Variants in MYO1D observed in about 807,000 individuals in gnomAD.
MYO1D encodes unconventional myosin-Id.
MYO1D carries 83 observed loss-of-function variants against 122.0 expected under a neutral mutation model. That is an observed-to-expected ratio of 0.68 (90% CI 0.57 to 0.82). The LOEUF is 0.82. Ranked by LOEUF, MYO1D falls within the 40% of genes least tolerant of loss-of-function variation. The pLI is 0.00. For synonymous variants in MYO1D, 464 were observed against 446.9 expected (o/e 1.04, Z -0.48); for missense variants, 1,157 against 1,269.5 (o/e 0.91, Z 1.35).
chr17:32,748,733 G>A (rs1446126306), intron 12 of MYO1D, among the ~76,000 whole-genome samples: 1 of 152,232 alleles, frequency 6.6e-6, no homozygotes, highest in Non-Finnish European at 1.5e-5. Context: ...ACATGGGCAA[G>A]TAGTGTGTGC....
intron 1 of MYO1D, among the ~76,000 whole-genome samples, chr17:32,832,819 G>A (rs11080192): frequency 0.049 from 7,458 of 152,228 alleles, 283 homozygotes; most frequent in East Asian, 0.19. Flanking sequence ...AGAATCTACT[G>A]TTCTTTAAAA....
At chr17:32,553,739 T>C (rs1567887832) in intron 21 of MYO1D, among the ~76,000 whole-genome samples, 1 of 152,138 alleles carries the variant, frequency 6.6e-6, no homozygotes, top group Non-Finnish European at 1.5e-5. Context: ...AATGTTATGT[T>C]CCTGAGAGTT....
intron 20 of MYO1D, among the ~76,000 whole-genome samples, chr17:32,622,075 T>A (rs962110062): frequency 6.6e-6 from 1 of 152,210 alleles, no homozygotes; most frequent in African/African-American, 2.4e-5. Context: ...TAGGTTGCTC[T>A]TTGACTGTGT....
intron 21 of MYO1D, among the ~76,000 whole-genome samples, chr17:32,515,052 C>G (rs981981817): frequency 6.6e-6 from 1 of 152,196 alleles, no homozygotes; most frequent in Non-Finnish European, 1.5e-5. Flanking sequence ...TGCACAGTGG[C>G]TAGTGCCATG....
chr17:32,609,356 C>T (rs1238647060), intron 20 of MYO1D, among the ~76,000 whole-genome samples: 5 of 152,216 alleles, frequency 3.3e-5, no homozygotes, highest in Non-Finnish European at 5.9e-5. Flanking sequence ...GGGGATGGCG[C>T]AGTGCCACAC....
At chr17:32,778,967 A>G (rs1320866069) in intron 2 of MYO1D, among the ~76,000 whole-genome samples, 1 of 152,164 alleles carries the variant, frequency 6.6e-6, no homozygotes, top group Non-Finnish European at 1.5e-5. Flanking sequence ...CTTATTTTCT[A>G]TAAGAGAATT....
intron 1 of MYO1D, among the ~76,000 whole-genome samples, chr17:32,800,474 T>G (rs2090451541): frequency 6.6e-6 from 1 of 152,006 alleles, no homozygotes; most frequent in African/African-American, 2.4e-5. Context: ...ATGACCACAC[T>G]TACATGTGGA....
intron 21 of MYO1D, among the ~76,000 whole-genome samples, chr17:32,549,865 A>G (rs1177236709): frequency 3.3e-5 from 5 of 152,222 alleles, no homozygotes; most frequent in Non-Finnish European, 7.3e-5. Context: ...TTGTATCCTC[A>G]CAGACACACC....
intron 1 of MYO1D, among the ~76,000 whole-genome samples, chr17:32,868,669 A>C (rs1462128169): frequency 6.6e-6 from 1 of 152,138 alleles, no homozygotes; most frequent in African/African-American, 2.4e-5. Context: ...AGAATTATAT[A>C]CCAGGCACTT....
chr17:32,636,167 T>G (rs1366744859), intron 20 of MYO1D, among the ~76,000 whole-genome samples: 1 of 152,178 alleles, frequency 6.6e-6, no homozygotes, highest in African/African-American at 2.4e-5. Context: ...CACTCTTAAA[T>G]CTGAAGTGAT....
intron 15 of MYO1D, among the ~76,000 whole-genome samples, chr17:32,718,430 G>A (rs1384998361): frequency 2.0e-5 from 3 of 152,130 alleles, no homozygotes. Context: ...GGGCGTGGTG[G>A]CTCATGCCTA....
At chr17:32,822,854 T>C (rs2090687004) in intron 1 of MYO1D, among the ~76,000 whole-genome samples, 1 of 151,504 alleles carries the variant, frequency 6.6e-6, no homozygotes, top group African/African-American at 2.4e-5. Flanking sequence ...GGCGTGAGAC[T>C]CAGCCGGCGT....
chr17:32,654,676 C>A (rs763484202), intron 17 of MYO1D, 55 bp from the exon 18 acceptor site: 99 of 1,430,018 alleles, frequency 6.9e-5, no homozygotes, highest in Non-Finnish European at 8.7e-5. Flanking sequence ...CCCATGCATT[C>A]TCTCTCTCTT....
At chr17:32,644,491 T>C (rs1436050501) in intron 19 of MYO1D, among the ~76,000 whole-genome samples, 1 of 152,210 alleles carries the variant, frequency 6.6e-6, no homozygotes, top group Non-Finnish European at 1.5e-5. Flanking sequence ...GTCTCGTTGA[T>C]CTGTCCAGTG....
intron 16 of MYO1D, among the ~76,000 whole-genome samples, chr17:32,670,805 G>C (rs1173722793): frequency 6.6e-6 from 1 of 152,188 alleles, no homozygotes; most frequent in African/African-American, 2.4e-5. Flanking sequence ...CTGGAGCGAT[G>C]ATCTGACCCG....
chr17:32,629,358 C>A (rs545734112), intron 20 of MYO1D, among the ~76,000 whole-genome samples: 3 of 151,998 alleles, frequency 2.0e-5, no homozygotes, highest in East Asian at 3.8e-4. Flanking sequence ...CAAGAGTGAA[C>A]CTTTGTGGGC....
chr17:32,810,453 G>A (rs976321095), intron 1 of MYO1D, among the ~76,000 whole-genome samples: 2 of 151,936 alleles, frequency 1.3e-5, no homozygotes, highest in African/African-American at 2.4e-5. Flanking sequence ...TTATACTTTT[G>A]GGGAACCATA....
At chr17:32,794,872 G>A (rs2151038768) in intron 1 of MYO1D, among the ~76,000 whole-genome samples, 1 of 152,284 alleles carries the variant, frequency 6.6e-6, no homozygotes, top group Middle Eastern at 3.4e-3. Flanking sequence ...CAGGGTGTAA[G>A]GAATTGAGTG....
At chr17:32,676,268 G>A (rs1300955821) in intron 16 of MYO1D, among the ~76,000 whole-genome samples, 1 of 151,440 alleles carries the variant, frequency 6.6e-6, no homozygotes, top group Non-Finnish European at 1.5e-5. Context: ...ATGTAGCTCC[G>A]ATTAAACTGC....
Sources: allele counts gnomAD v4.1 joint callset (sites outside exome capture counted in the v4.1 genomes callset), GRCh38; gene constraint gnomAD v4.1.1; transcripts MANE v1.5; gene names NCBI Gene and HGNC (gene_info 2026-07-23, HGNC 2026-07-21).